LAMC1: variants seen among roughly 807,000 people sequenced by gnomAD.
LAMC1 encodes the protein laminin subunit gamma 1.
In LAMC1, 38 loss-of-function variants were observed where a neutral mutation model predicts 173.6. The ratio of observed to expected loss-of-function variants is 0.22; its 90% CI spans 0.17 to 0.29. LAMC1 has a LOEUF of 0.29. Among genes scored for constraint, LAMC1 ranks in the 10% least tolerant of loss-of-function variants. The probability of loss-of-function intolerance (pLI) is 1.00; values close to 1 mark genes in which losing one functional copy is unlikely to be tolerated. For missense variants in LAMC1, 1,824 were observed against 2,051.8 expected, an observed-to-expected ratio of 0.89 and a Z score of 2.14; for synonymous variants, 746 against 749.1, an observed-to-expected ratio of 1.00 and a Z score of 0.07.
At chr1:183,133,649 C>A in intron 22 of LAMC1, 99 bp downstream of exon 22, 1 of 1,190,614 alleles carries the variant, frequency 8.4e-7, no homozygotes, top group Non-Finnish European at 1.2e-6. Context: ...CCCACTGACT[C>A]GCTGGTAAAG....
chr1:183,029,241 A>G (rs1031131111), intron 1 of LAMC1, among the ~76,000 whole-genome samples: 2 of 152,118 alleles, frequency 1.3e-5, no homozygotes, highest in African/African-American at 4.8e-5. Flanking sequence ...TCCAGACACT[A>G]TGTGTCTTGA....
At chr1:183,133,995 C>T (rs1421977928) in intron 22 of LAMC1, among the ~76,000 whole-genome samples, 2 of 152,166 alleles carry the variant, frequency 1.3e-5, no homozygotes, top group African/African-American at 4.8e-5. Flanking sequence ...CTCCCAGGCT[C>T]TGTCTAGTAG....
chr1:183,122,345 G>C, intron 13 of LAMC1, 94 bp downstream of exon 13: 1 of 1,202,096 alleles, frequency 8.3e-7, no homozygotes, highest in Non-Finnish European at 1.2e-6. Flanking sequence ...CTTTGTGTTT[G>C]GTTCAGTTTC....
At chr1:183,133,308 G>T (rs1238341725) in intron 21 of LAMC1, 98 bp from the exon 22 acceptor site, 6 of 1,002,934 alleles carry the variant, frequency 6.0e-6, no homozygotes, top group Non-Finnish European at 8.8e-6. Context: ...TTCCTTTGAG[G>T]TTTTGGGCGT....
intron 1 of LAMC1, among the ~76,000 whole-genome samples, chr1:183,058,377 A>G (rs3934697): frequency 0.5 from 76,262 of 151,946 alleles, 19,788 homozygotes; most frequent in South Asian, 0.64. Context: ...ATAAAGACCC[A>G]TCTATGGTTA....
At chr1:183,068,883 A>C (rs1185007965) in intron 1 of LAMC1, among the ~76,000 whole-genome samples, 1 of 152,218 alleles carries the variant, frequency 6.6e-6, no homozygotes, top group East Asian at 1.9e-4. Context: ...CGAAGGTTGC[A>C]GTGAGCCGAG....
At chr1:183,127,467 C>T (rs1656653130) in intron 17 of LAMC1, 63 bp downstream of exon 17, 3 of 1,445,500 alleles carry the variant, frequency 2.1e-6, no homozygotes, top group South Asian at 2.4e-5. Flanking sequence ...ACTTACTGTG[C>T]ACTAATCTCT....
intron 18 of LAMC1, among the ~76,000 whole-genome samples, chr1:183,129,443 TATA>T (rs1656722743): frequency 6.6e-6 from 1 of 152,158 alleles, no homozygotes; most frequent in Non-Finnish European, 1.5e-5. Context: ...GACCACCATA[TATA>T]GTTAGGCAAG....
At chr1:183,054,046 C>T (rs1654512565) in intron 1 of LAMC1, among the ~76,000 whole-genome samples, 1 of 152,176 alleles carries the variant, frequency 6.6e-6, no homozygotes, top group Non-Finnish European at 1.5e-5. Flanking sequence ...GTTCTCTCAA[C>T]AAGCAGTACT....
chr1:183,139,499 C>T (rs12085270), intron 26 of LAMC1, among the ~76,000 whole-genome samples: 3 of 152,136 alleles, frequency 2.0e-5, no homozygotes, highest in African/African-American at 7.2e-5. Flanking sequence ...TGTGGATGCT[C>T]AATAAGGACA....
At chr1:183,037,016 TC>T (rs1297264830) in intron 1 of LAMC1, among the ~76,000 whole-genome samples, 1 of 152,040 alleles carries the variant, frequency 6.6e-6, no homozygotes, top group Non-Finnish European at 1.5e-5. Flanking sequence ...CCTCAGGTGA[TC>T]CATCTGCCTT....
At chr1:183,117,209 A>T in intron 8 of LAMC1, 111 bp from the exon 9 acceptor site, 1 of 1,165,046 alleles carries the variant, frequency 8.6e-7, no homozygotes, top group Non-Finnish European at 1.2e-6. Flanking sequence ...AGGTTTATTG[A>T]TGCCTTTCTG....
intron 11 of LAMC1, among the ~76,000 whole-genome samples, chr1:183,118,977 C>A (rs1656395784): frequency 6.6e-6 from 1 of 152,036 alleles, no homozygotes; most frequent in South Asian, 2.1e-4. Context: ...TGGCTCACTG[C>A]AACCTCCGCC....
At chr1:183,066,126 T>G (rs184403760) in intron 1 of LAMC1, among the ~76,000 whole-genome samples, 1 of 152,232 alleles carries the variant, frequency 6.6e-6, no homozygotes, top group African/African-American at 2.4e-5. Context: ...AACTATATCC[T>G]TTTACCAAGT....
At chr1:183,086,974 A>G (rs923893602) in intron 1 of LAMC1, among the ~76,000 whole-genome samples, 1 of 152,218 alleles carries the variant, frequency 6.6e-6, no homozygotes. Context: ...TTGGAGCTAG[A>G]TGTATACATT....
In LAMC1 at chr1:183,136,460, A is replaced by G. The variant is rs954040421; in HGVS notation, c.4189A>G (p.Thr1397Ala). ...AAGGAAGATTCCTGCCATCAACCAG[A>G]CCATCACTGAAGCCAATGAAAAGAC... is the stretch of plus-strand genomic sequence containing the variant. The part of the protein sequence containing the change: ...ALRKIPAINQ[T>A]ITEANEKTRE... The change falls in exon 25 of 28, where the codon ACC becomes GCC. Residue 1397 changes from threonine to alanine, a missense_variant. By Grantham distance (58) the Thr-to-Ala change is moderately conservative. Transcript: ENST00000258341. 6.2e-7 allele frequency: 1 copy of G among 1,614,084 alleles called. No homozygotes were observed. Among genetic ancestry groups the G allele is most frequent in the African/African-American group, 1.3e-5 (1 of 74,930 alleles).
At chr1:183,135,823 A>C (rs12563975) in intron 24 of LAMC1, among the ~76,000 whole-genome samples, 15,349 of 150,482 alleles carry the variant, frequency 0.1, 1,128 homozygotes, top group East Asian at 0.42. Context: ...CAGGAGGTCA[A>C]GGCTGCACTA....
chr1:183,110,364 G>T, intron 3 of LAMC1, 124 bp from the exon 4 acceptor site: 2 of 658,846 alleles, frequency 3.0e-6, no homozygotes, highest in South Asian at 2.7e-5. Context: ...ACTTAATCTT[G>T]CTCAGTTCCC....
At position 183,115,595 on chromosome 1, in the gene LAMC1, GTT is replaced by G; in HGVS notation, c.1287_1288del (p.Cys430ProfsTer9). On this transcript the variant is annotated frameshift_variant, in exon 6 of 28. Transcript: ENST00000258341. LOFTEE classifies it high-confidence loss of function. Reference sequence around the variant, plus strand: ...GGAGTGATGGGGGACAAATGTGACCGTTGCCAGCCTGGATTCCATTCTCTCAC... The same window carrying G: ...GGAGTGATGGGGGACAAATGTGACCGGCCAGCCTGGATTCCATTCTCTCAC... The G allele has an allele frequency of 6.2e-7, 1 of 1,613,974 alleles. No homozygotes were observed. Among genetic ancestry groups the G allele is most frequent in the Non-Finnish European group, 8.5e-7 (1 of 1,179,866 alleles).
Sources: gnomAD v4.1 joint callset for allele counts (sites outside exome capture counted in the v4.1 genomes callset) on GRCh38, gnomAD v4.1.1 for gene constraint, MANE v1.5 for transcripts, NCBI Gene and HGNC (gene_info 2026-07-23, HGNC 2026-07-21) for gene names.